CTSH: variants seen among roughly 807,000 people sequenced by gnomAD.
CTSH encodes cathepsin H, also known as pro-cathepsin H.
In CTSH, 52 loss-of-function variants were observed where a neutral mutation model predicts 56.3. The observed-to-expected ratio is 0.92, with a 90% CI of 0.74 to 1.16. The LOEUF (loss-of-function observed/expected upper bound fraction) is 1.16, where lower values mean the gene tolerates loss of function less well. CTSH is among the 50% of genes most tolerant of loss of function. CTSH has a pLI of 0.00. For missense variants in CTSH, 406 were observed against 424.5 expected, an observed-to-expected ratio of 0.96 and a Z score of 0.38; for synonymous variants, 174 against 155.7, an observed-to-expected ratio of 1.12 and a Z score of -0.88.
Position 78,937,397 on chromosome 15 carries a change from C to G in CTSH, c.150G>C (p.Glu50Asp). ...SKHRKTYSTE[E>D]YHHRLQTFAS... ...CAAACGTCTGCAGCCTGTGGTGGTACTCCTCCGTACTGTAGGTCTTACGGT... is the reference window on the plus strand; with the variant it reads ...CAAACGTCTGCAGCCTGTGGTGGTAGTCCTCCGTACTGTAGGTCTTACGGT... Residue 50 changes from glutamate to aspartate, a missense_variant, in exon 3 of 12, where the codon GAG (glutamate) becomes GAC (aspartate). Physicochemically the swap from Glu to Asp is conservative, Grantham distance 45. Transcript: ENST00000220166. 1 of 1,614,170 alleles carries G rather than the reference C, an allele frequency of 6.2e-7. No individual in the cohort carries two copies. Among genetic ancestry groups the G allele is most frequent in the Non-Finnish European group, 8.5e-7 (1 of 1,180,022 alleles).
chr15:78,941,683 C>A (rs891718331), intron 1 of CTSH, among the ~76,000 whole-genome samples: 2 of 151,566 alleles, frequency 1.3e-5, no homozygotes, highest in African/African-American at 4.8e-5. Context: ...GCAGTCCCAG[C>A]TACTCAGGAG....
intron 8 of CTSH, 103 bp from the exon 9 acceptor site, chr15:78,927,884 G>T: frequency 1.1e-6 from 1 of 905,178 alleles, no homozygotes; most frequent in Non-Finnish European, 1.8e-6. Context: ...GATGTGCCAG[G>T]GCCTGGGGGA....
At position 78,936,778 on chromosome 15, in the gene CTSH, C is replaced by T. The variant is rs191130465; in HGVS notation, c.229+540G>A. ...CCAAATAGCTGGGATTACAGACATG[C>T]GCCACCAAGCCCGGCTAATTTTGTA... On this transcript the variant is annotated intron_variant, in intron 3 of 11. Coordinates refer to ENST00000220166, the MANE Select transcript of CTSH (RefSeq NM_004390.5). Among the ~76,000 whole-genome samples the T allele has an allele frequency of 4.7e-3, 720 of 151,768 alleles. 5 individuals are homozygous for T. Among genetic ancestry groups the T allele is most frequent in the African/African-American group, 0.016 (674 of 41,398 alleles).
intron 10 of CTSH, among the ~76,000 whole-genome samples, chr15:78,924,100 G>C (rs1246163765): frequency 1.0e-4 from 13 of 124,920 alleles, no homozygotes; most frequent in East Asian, 1.1e-3. Context: ...ACCCAGCGGG[G>C]GGGGGGGGGA....
At position 78,945,015 on chromosome 15, in the gene CTSH, G is replaced by C. The variant is rs1326552395; in HGVS notation, c.-34C>G. The C allele has an allele frequency of 6.7e-7, 1 of 1,496,036 alleles. No homozygotes were observed. The highest frequency in any genetic ancestry group is 1.2e-5 in the South Asian group (1 of 80,192). 92.7% of individuals were successfully genotyped at this position (1,496,036 alleles called of 1,614,324 possible). ...TGGCGGCTTGGCTCTTGCGCTCAGG[G>C]TCCGCGGAGGTGGCGGCCCAGAGCG... On this transcript the variant is annotated 5_prime_UTR_variant, in exon 1 of 12. Transcript: ENST00000220166.
intron 8 of CTSH, among the ~76,000 whole-genome samples, chr15:78,928,501 G>A (rs1198059824): frequency 1.3e-5 from 2 of 149,028 alleles, no homozygotes; most frequent in Non-Finnish European, 3.0e-5. Context: ...GGAGGCGGAG[G>A]TTGCAGTGAG....
intron 10 of CTSH, among the ~76,000 whole-genome samples, chr15:78,924,119 A>AGGG (rs1567345760): frequency 3.1e-3 from 7 of 2,286 alleles, no homozygotes; most frequent in African/African-American, 6.9e-3. Flanking sequence ...GAGGGTGGGC[A>AGGG]GGGTGGGTCA....
At chr15:78,929,574 A>G in intron 7 of CTSH, 81 bp from the exon 8 acceptor site, 1 of 930,066 alleles carries the variant, frequency 1.1e-6, no homozygotes, top group Non-Finnish European at 1.6e-6. Flanking sequence ...GTGGCGAGAT[A>G]TCTGGCCTGG....
chr15:78,934,941 C>A (rs375372809), intron 5 of CTSH, 37 bp downstream of exon 5: 4 of 1,362,428 alleles, frequency 2.9e-6, no homozygotes, highest in African/African-American at 2.9e-5. Context: ...GGAGTGTGGC[C>A]GTTTTGCAGG....
Position 78,925,450 on chromosome 15 carries a change from C to G in CTSH, c.700-10G>C. The G allele has an allele frequency of 1.3e-6, 2 of 1,590,314 alleles. No individual in the cohort carries two copies. The highest frequency in any genetic ancestry group is 1.7e-6 in the Non-Finnish European group (2 of 1,158,654). ...TCGCTTCCTCGTCATACTGTGGAAA[C>G]AGGACCGAGACAGAAACACATGGCC... On this transcript the variant is annotated splice_polypyrimidine_tract_variant and intron_variant, in intron 9 of 11. Coordinates refer to ENST00000220166, the MANE Select transcript of CTSH (RefSeq NM_004390.5).
Position 78,927,759 on chromosome 15 carries a change from G to A in CTSH, c.653C>T (p.Pro218Leu), listed in dbSNP as rs1322019979. 13 of 1,614,074 alleles carry A rather than the reference G, an allele frequency of 8.1e-6. No individual in the cohort carries two copies. The highest frequency in any genetic ancestry group is 1.0e-5 in the Non-Finnish European group (12 of 1,180,032). ...QGKDGYCKFQ[P>L]GKAIGFVKDV... is the part of the protein sequence containing the mutation. Reference sequence around the variant, plus strand: ...CTTGACAAAGCCGATGGCCTTTCCAGGTTGGAACTTGCAATAACCATCCTG... The same window carrying A: ...CTTGACAAAGCCGATGGCCTTTCCAAGTTGGAACTTGCAATAACCATCCTG... Residue 218 changes from proline (P) to leucine (L), a missense_variant, in exon 9 of 12, where the codon CCT becomes CTT. Coordinates refer to ENST00000220166, the MANE Select transcript of CTSH (RefSeq NM_004390.5).
chr15:78,922,318 A>G (rs1438899229), intron 11 of CTSH, 113 bp from the exon 12 acceptor site: 2 of 809,820 alleles, frequency 2.5e-6, no homozygotes, highest in Non-Finnish European at 4.1e-6. Flanking sequence ...CTCTAAATTT[A>G]TTCATAAAAC....
chr15:78,921,971 C>T lies in CTSH; in HGVS notation c.*159G>A. ...CGGGTGAGCTCATGGTGGAACTCCTCCTTGTCTGTAGGTTTCCAGGCTGGG... is the reference window on the plus strand; with the variant it reads ...CGGGTGAGCTCATGGTGGAACTCCTTCTTGTCTGTAGGTTTCCAGGCTGGG... On this transcript the variant is annotated 3_prime_UTR_variant, in exon 12 of 12. Coordinates refer to ENST00000220166, the MANE Select transcript of CTSH (RefSeq NM_004390.5). The T allele has an allele frequency of 1.6e-6, 1 of 643,676 alleles. No individual in the cohort carries two copies. Among genetic ancestry groups the T allele is most frequent in the Non-Finnish European group, 2.7e-6 (1 of 370,478 alleles). The allele number at this position is 643,676 out of a possible 1,614,324, so 39.9% of individuals were successfully genotyped here. A position where few individuals can be genotyped will look rare whatever the true frequency, so the allele number is the denominator to read the frequency against.
chr15:78,938,367 T>TAA (rs2055220352), intron 2 of CTSH, among the ~76,000 whole-genome samples: 1 of 144,304 alleles, frequency 6.9e-6, no homozygotes. Flanking sequence ...AGACTCTGTC[T>TAA]CAAAAAAAAA....
chr15:78,937,724 G>A, intron 2 of CTSH: 2 of 1,354,482 alleles, frequency 1.5e-6, no homozygotes, highest in Non-Finnish European at 1.9e-6. Context: ...CACTGCTGGT[G>A]CTGGGTCAAG....
At chr15:78,927,873 A>C (rs1386088672) in intron 8 of CTSH, 92 bp from the exon 9 acceptor site, 3 of 1,013,098 alleles carry the variant, frequency 3.0e-6, no homozygotes, top group Non-Finnish European at 4.7e-6. Flanking sequence ...AAACAAAACA[A>C]GATGTGCCAG....
Position 78,931,991 on chromosome 15 carries a change from G to T in CTSH, c.492+381C>A, listed in dbSNP as rs549679925. 4 of 1,155,998 alleles carry T rather than the reference G, an allele frequency of 3.5e-6. No individual in the cohort carries two copies. In the South Asian group the frequency reaches 9.4e-5, roughly 27 times the overall value. The allele number at this position is 1,155,998 out of a possible 1,614,324, so 71.6% of individuals were successfully genotyped here. ...GCATCATCCGTCTCTTGTGGGCGAG[G>T]GGATGGATGCATAGGTCCCGGCTCT... On this transcript the variant is annotated intron_variant, in intron 6 of 11. Coordinates refer to ENST00000220166, the MANE Select transcript of CTSH (RefSeq NM_004390.5).
intron 1 of CTSH, among the ~76,000 whole-genome samples, chr15:78,941,760 C>A (rs955646050): frequency 6.8e-6 from 1 of 146,216 alleles, no homozygotes; most frequent in Non-Finnish European, 1.5e-5. Flanking sequence ...CACGCCACTG[C>A]ACTCCAGCCT....
At chr15:78,925,544 C>A (rs2054886112) in intron 9 of CTSH, 104 bp from the exon 10 acceptor site, 1 of 722,102 alleles carries the variant, frequency 1.4e-6, no homozygotes, top group Non-Finnish European at 2.4e-6. Flanking sequence ...CCCAGAGCAG[C>A]ATGGATGGCC....
Sources: gnomAD v4.1 joint callset for allele counts (sites outside exome capture counted in the v4.1 genomes callset) on GRCh38, gnomAD v4.1.1 for gene constraint, MANE v1.5 for transcripts, NCBI Gene and HGNC (gene_info 2026-07-23, HGNC 2026-07-21) for gene names.